Variants in PCDH9 observed in about 807,000 individuals in gnomAD.
PCDH9 encodes the protein protocadherin-9.
Under a neutral mutation model 70.6 loss-of-function variants are expected in PCDH9, and 24 were observed. That is an observed-to-expected ratio of 0.34 (90% CI 0.25 to 0.48). PCDH9 has a LOEUF of 0.48. Among genes scored for constraint, PCDH9 ranks in the 20% least tolerant of loss-of-function variants. The pLI is 0.99. For synonymous variants in PCDH9, 562 were observed against 558.5 expected (o/e 1.01, Z -0.09); for missense variants, 1,281 against 1,503.6 (o/e 0.85, Z 2.45).
chr13:66,911,823 G>A (rs187684688), intron 2 of PCDH9, among the ~76,000 whole-genome samples: 1 of 152,248 alleles, frequency 6.6e-6, no homozygotes, highest in East Asian at 1.9e-4. Context: ...AGCAATGCAG[G>A]ACTTTGGAAC....
At chr13:66,361,332 A>G (rs1956467559) in intron 4 of PCDH9, among the ~76,000 whole-genome samples, 1 of 152,162 alleles carries the variant, frequency 6.6e-6, no homozygotes, top group East Asian at 1.9e-4. Flanking sequence ...AATTATTTGT[A>G]TATGTATGTG....
At chr13:66,610,834 G>A (rs2077285653) in intron 4 of PCDH9, among the ~76,000 whole-genome samples, 1 of 152,124 alleles carries the variant, frequency 6.6e-6, no homozygotes. Context: ...GTGACAGGAT[G>A]ATACCTTTTT....
intron 4 of PCDH9, among the ~76,000 whole-genome samples, chr13:66,408,491 C>T (rs1957320294): frequency 6.6e-6 from 1 of 152,122 alleles, no homozygotes; most frequent in Non-Finnish European, 1.5e-5. Flanking sequence ...CACATGGATA[C>T]ATTTTGGCTT....
chr13:66,907,473 T>G (rs2139608640), intron 2 of PCDH9, among the ~76,000 whole-genome samples: 1 of 152,296 alleles, frequency 6.6e-6, no homozygotes, highest in East Asian at 1.9e-4. Context: ...TGATTGAAAG[T>G]CTGTATTGCA....
chr13:66,630,945 C>A (rs1183155764), intron 4 of PCDH9, among the ~76,000 whole-genome samples: 1 of 152,036 alleles, frequency 6.6e-6, no homozygotes, highest in Non-Finnish European at 1.5e-5. Flanking sequence ...GAATATCTTG[C>A]AACAAATGGC....
intron 2 of PCDH9, among the ~76,000 whole-genome samples, chr13:67,184,063 A>G (rs2088686085): frequency 6.6e-6 from 1 of 152,194 alleles, no homozygotes; most frequent in Admixed American, 6.5e-5. Flanking sequence ...CTTTTAAAAC[A>G]TCTAGTGTTT....
chr13:66,651,557 T>A (rs1222935010), intron 3 of PCDH9, among the ~76,000 whole-genome samples: 1 of 152,034 alleles, frequency 6.6e-6, no homozygotes, highest in African/African-American at 2.4e-5. Flanking sequence ...ACCCAATGAT[T>A]TCACCATTGA....
intron 3 of PCDH9, among the ~76,000 whole-genome samples, chr13:66,755,930 T>A (rs1427024247): frequency 6.6e-6 from 1 of 152,210 alleles, no homozygotes; most frequent in Non-Finnish European, 1.5e-5. Flanking sequence ...TGAGTGGCTT[T>A]CTGTGCATTT....
intron 4 of PCDH9, 111 bp downstream of exon 4, chr13:66,631,099 C>CA (rs1301011682): frequency 1.5e-5 from 10 of 656,140 alleles, no homozygotes; most frequent in Admixed American, 4.8e-5. Flanking sequence ...ATAAAGCCAG[C>CA]AAAAAAATAA....
chr13:67,064,936 A>ATAGATAGC (rs2085616778), intron 2 of PCDH9, among the ~76,000 whole-genome samples: 1 of 146,762 alleles, frequency 6.8e-6, no homozygotes, highest in South Asian at 2.2e-4. Flanking sequence ...AGATAGATAG[A>ATAGATAGC]TAGCAGAGAG....
At chr13:67,008,013 A>G (rs920639154) in intron 2 of PCDH9, among the ~76,000 whole-genome samples, 3 of 152,182 alleles carry the variant, frequency 2.0e-5, no homozygotes, top group African/African-American at 7.2e-5. Flanking sequence ...CCTTCATGAA[A>G]CACAAATATA....
intron 4 of PCDH9, among the ~76,000 whole-genome samples, chr13:66,538,143 T>G (rs1960785855): frequency 6.6e-6 from 1 of 152,152 alleles, no homozygotes; most frequent in Non-Finnish European, 1.5e-5. Flanking sequence ...TTCACTTATA[T>G]TTTCATTAAT....
At chr13:66,879,789 T>C (rs556318800) in intron 3 of PCDH9, among the ~76,000 whole-genome samples, 3 of 152,270 alleles carry the variant, frequency 2.0e-5, no homozygotes, top group East Asian at 1.9e-4. Context: ...AAATGTCTAA[T>C]TGAATGAAAA....
chr13:66,985,404 C>G (rs137896057), intron 2 of PCDH9: 3 of 152,064 alleles, frequency 2.0e-5, no homozygotes, highest in African/African-American at 7.2e-5. Flanking sequence ...TAAATTGTTT[C>G]CATAATTTGA....
At chr13:67,068,997 T>TA (rs1210861967) in intron 2 of PCDH9, among the ~76,000 whole-genome samples, 1 of 152,172 alleles carries the variant, frequency 6.6e-6, no homozygotes, top group Non-Finnish European at 1.5e-5. Flanking sequence ...CAGTTGCACA[T>TA]AAAACTTGAG....
chr13:66,601,350 C>T (rs1406699165), intron 4 of PCDH9, among the ~76,000 whole-genome samples: 1 of 146,090 alleles, frequency 6.8e-6, no homozygotes, highest in African/African-American at 2.5e-5. Context: ...CAAACACACA[C>T]ACCCCTCTGG....
At chr13:66,556,438 G>C (rs938039574) in intron 4 of PCDH9, among the ~76,000 whole-genome samples, 2 of 152,108 alleles carry the variant, frequency 1.3e-5, no homozygotes, top group Non-Finnish European at 2.9e-5. Flanking sequence ...ACAGGCTGGA[G>C]AATTGGAATT....
At chr13:66,750,751 A>G (rs1292836462) in intron 3 of PCDH9, among the ~76,000 whole-genome samples, 2 of 152,134 alleles carry the variant, frequency 1.3e-5, no homozygotes, top group African/African-American at 2.4e-5. Context: ...AAATAAACAC[A>G]AAGAGGCTTA....
intron 4 of PCDH9, among the ~76,000 whole-genome samples, chr13:66,508,996 G>T (rs1959328998): frequency 6.6e-6 from 1 of 152,032 alleles, no homozygotes; most frequent in Non-Finnish European, 1.5e-5. Context: ...TTTGAATTCT[G>T]CTTGGCATTT....
Sources: allele counts gnomAD v4.1 joint callset (sites outside exome capture counted in the v4.1 genomes callset), GRCh38; gene constraint gnomAD v4.1.1; transcripts MANE v1.5; gene names NCBI Gene and HGNC (gene_info 2026-07-23, HGNC 2026-07-21).